Variants in GLRB observed in about 807,000 individuals in gnomAD.
The protein encoded by GLRB is glycine receptor beta, also known as glycine receptor subunit beta.
A neutral mutation model predicts 54.2 loss-of-function variants in GLRB; 33 were observed. That is an observed-to-expected ratio of 0.61 (90% CI 0.46 to 0.81). The LOEUF (loss-of-function observed/expected upper bound fraction) is 0.81, where lower values mean the gene tolerates loss of function less well. Among genes scored for constraint, GLRB ranks in the 40% least tolerant of loss-of-function variants. The pLI, the probability that GLRB is intolerant of heterozygous loss-of-function variation, is 0.00. For missense variants in GLRB, 572 were observed against 584.6 expected (o/e 0.98, Z 0.22); for synonymous variants, 209 against 208.2 (o/e 1.00, Z -0.03).
At chr4:157,148,823 G>A (rs1024645667) in intron 8 of GLRB, among the ~76,000 whole-genome samples, 6 of 150,680 alleles carry the variant, frequency 4.0e-5, no homozygotes, top group Admixed American at 6.6e-5. Context: ...TGTTTGTTGT[G>A]TTCTGTAAGT....
chr4:157,132,789 G>A lies in GLRB; in HGVS notation c.298-3680G>A, dbSNP rs75085696. 8.7e-3 allele frequency among the ~76,000 whole-genome samples: 1,326 copies of A among 151,862 alleles called. 19 individuals carry two copies. The highest frequency in any genetic ancestry group is 0.029 in the African/African-American group (1,219 of 41,486). On this transcript the variant is annotated intron_variant, in intron 4 of 9. Coordinates refer to ENST00000264428, the MANE Select transcript of GLRB (RefSeq NM_000824.5). ...AATGAATGATTGTTTAACAGAGTCC[G>A]GCAAAATCAATTTTTAAATAAGCCT...
At chr4:157,117,099 T>C (rs116510926) in intron 2 of GLRB, among the ~76,000 whole-genome samples, 15 of 151,838 alleles carry the variant, frequency 9.9e-5, no homozygotes, top group African/African-American at 3.6e-4. Flanking sequence ...AGTGAACTGA[T>C]AGAAAGGGCC....
intron 7 of GLRB, among the ~76,000 whole-genome samples, chr4:157,142,740 T>C (rs1237262773): frequency 1.3e-5 from 2 of 152,166 alleles, no homozygotes; most frequent in Admixed American, 1.3e-4. Flanking sequence ...TGTTCATTAA[T>C]TTGTTTCACC....
rs187669647 is a variant in GLRB at position 157,086,575 on chromosome 4, A to G, written c.122+8429A>G. Among the ~76,000 whole-genome samples, 106 of 152,300 alleles carry G rather than the reference A, an allele frequency of 7.0e-4. 1 individual carries two copies. Among genetic ancestry groups the G allele is most frequent in the Non-Finnish European group, 7.8e-4 (53 of 68,032 alleles). Reference sequence around the variant, plus strand: ...TGTTCGATTAATTCTATTGTGCATTATTTTCTCTGAAGAATAGAAATTACC... The same window carrying G: ...TGTTCGATTAATTCTATTGTGCATTGTTTTCTCTGAAGAATAGAAATTACC... On this transcript the variant is annotated intron_variant, in intron 2 of 9. Coordinates refer to ENST00000264428, the MANE Select transcript of GLRB (RefSeq NM_000824.5).
At chr4:157,106,673 G>T (rs1735238331) in intron 2 of GLRB, among the ~76,000 whole-genome samples, 1 of 151,836 alleles carries the variant, frequency 6.6e-6, no homozygotes, top group African/African-American at 2.4e-5. Flanking sequence ...TTGGAACCTG[G>T]CACTCAGCCC....
rs1736014004 is a variant in GLRB, at chr4:157,126,293, C to A, written c.297+3896C>A. Among the ~76,000 whole-genome samples the A allele has an allele frequency of 2.0e-5, 3 of 151,684 alleles. No homozygotes were observed. The South Asian group carries it at 6.2e-4, about 31-fold the overall frequency. On this transcript the variant is annotated intron_variant, in intron 4 of 9. Coordinates refer to ENST00000264428, the MANE Select transcript of GLRB (RefSeq NM_000824.5). ...AAGTCACCTCACATTATTCATAAAC[C>A]ATAATTGTATAGTGGAGGAAAAATT...
At chr4:157,143,767 G>A (rs1162405826) in intron 7 of GLRB, 40 bp from the exon 8 acceptor site, 1 of 1,590,990 alleles carries the variant, frequency 6.3e-7, no homozygotes, top group South Asian at 1.1e-5. Context: ...ATTCTGTGTG[G>A]GTGAAAACCT....
intron 4 of GLRB, among the ~76,000 whole-genome samples, chr4:157,133,170 GATA>G (rs889057111): frequency 2.0e-5 from 3 of 151,948 alleles, no homozygotes; most frequent in Non-Finnish European, 4.4e-5. Flanking sequence ...TAGACATAAT[GATA>G]ATAATGTTAA....
chr4:157,087,255 G>A (rs17035638), intron 2 of GLRB, among the ~76,000 whole-genome samples: 25,730 of 151,964 alleles, frequency 0.17, 2,286 homozygotes, highest in East Asian at 0.28. Context: ...TACTTTGTAC[G>A]TCTACTAAAT....
At chr4:157,082,967 T>C (rs1170689232) in intron 2 of GLRB, among the ~76,000 whole-genome samples, 1 of 87,028 alleles carries the variant, frequency 1.1e-5, no homozygotes, top group Non-Finnish European at 2.5e-5. Context: ...TAGTGTTTTA[T>C]ATATATATAT....
intron 6 of GLRB, 115 bp from the exon 7 acceptor site, chr4:157,138,694 T>C: frequency 1.6e-6 from 1 of 636,126 alleles, no homozygotes; most frequent in Non-Finnish European, 2.8e-6. Context: ...TACAATTTCA[T>C]ATAAGAAGGT....
chr4:157,170,615 C>A lies in GLRB; in HGVS notation c.1381C>A (p.Pro461Thr), dbSNP rs749199686. Residue 461 changes from proline to threonine, a missense_variant, in exon 10 of 10, where the codon CCT becomes ACT. Transcript: ENST00000264428. Reference sequence around the variant, plus strand: ...GGCTAAGAACAACAAGAAGCCTCCCCCTGCGAAACCTGTTATTCCAACAGC... The same window carrying A: ...GGCTAAGAACAACAAGAAGCCTCCCACTGCGAAACCTGTTATTCCAACAGC... ...SQAKNNKKPP[P>T]AKPVIPTAAK... is the part of the protein sequence containing the mutation. 2 of 1,612,654 alleles carry A rather than the reference C, an allele frequency of 1.2e-6. No individual in the cohort carries two copies.
At chr4:157,167,263 G>A (rs1198513691) in intron 9 of GLRB, among the ~76,000 whole-genome samples, 1 of 152,060 alleles carries the variant, frequency 6.6e-6, no homozygotes, top group Non-Finnish European at 1.5e-5. Flanking sequence ...AAAGTCTTAG[G>A]GCAATGCAAA....
chr4:157,157,926 C>T (rs1393306465), intron 9 of GLRB, among the ~76,000 whole-genome samples: 1 of 152,204 alleles, frequency 6.6e-6, no homozygotes, highest in African/African-American at 2.4e-5. Flanking sequence ...CTGTCTTCTA[C>T]AATGGTTGAA....
chr4:157,158,416 T>A (rs972944757), intron 9 of GLRB, among the ~76,000 whole-genome samples: 4 of 152,204 alleles, frequency 2.6e-5, no homozygotes, highest in Non-Finnish European at 4.4e-5. Context: ...CGTGCCTATG[T>A]CCTGAATGGT....
intron 9 of GLRB, among the ~76,000 whole-genome samples, chr4:157,160,455 T>C (rs1737435572): frequency 6.6e-6 from 1 of 152,156 alleles, no homozygotes; most frequent in South Asian, 2.1e-4. Context: ...TCCTGCTTTA[T>C]CTTGTGGGCA....
chr4:157,143,432 T>C (rs753275709), intron 7 of GLRB, among the ~76,000 whole-genome samples: 2 of 152,014 alleles, frequency 1.3e-5, no homozygotes, highest in African/African-American at 2.4e-5. Context: ...TGTTCTACTT[T>C]GATTTACTAC....
At position 157,116,176 on chromosome 4, in the gene GLRB, C is replaced by T. The variant is rs531668740; in HGVS notation, c.123-4380C>T. On this transcript the variant is annotated intron_variant, in intron 2 of 9. Coordinates refer to ENST00000264428, the MANE Select transcript of GLRB (RefSeq NM_000824.5). ...TACAGCTATACAGTCTGACACATTCCTTGCATAACTTTACATATTAGTAAT... is the reference window on the plus strand; with the variant it reads ...TACAGCTATACAGTCTGACACATTCTTTGCATAACTTTACATATTAGTAAT... 7.3e-5 allele frequency among the ~76,000 whole-genome samples: 11 copies of T among 151,230 alleles called. No homozygotes were observed. In the South Asian group the frequency reaches 1.7e-3, roughly 23 times the overall value.
At chr4:157,088,371 A>G (rs1196169008) in intron 2 of GLRB, among the ~76,000 whole-genome samples, 3 of 152,250 alleles carry the variant, frequency 2.0e-5, no homozygotes, top group Non-Finnish European at 2.9e-5. Context: ...TGGAATCTCT[A>G]TAATATTTTC....
Sources: allele counts gnomAD v4.1 joint callset (sites outside exome capture counted in the v4.1 genomes callset), GRCh38; gene constraint gnomAD v4.1.1; transcripts MANE v1.5; gene names NCBI Gene and HGNC (gene_info 2026-07-23, HGNC 2026-07-21).